AZIN1: variants seen among roughly 807,000 people sequenced by gnomAD.
AZIN1 encodes the protein antizyme inhibitor 1.
Under a neutral mutation model 47.4 loss-of-function variants are expected in AZIN1, and 12 were observed. The observed-to-expected ratio is 0.25, with a 90% confidence interval of 0.16 to 0.41. The LOEUF is 0.41. Ranked by LOEUF, AZIN1 falls within the 10% of genes least tolerant of loss-of-function variation. The probability of loss-of-function intolerance (pLI) is 1.00; values close to 1 mark genes in which losing one functional copy is unlikely to be tolerated. For missense variants in AZIN1, 410 were observed against 532.4 expected (o/e 0.77, Z 2.26); for synonymous variants, 155 against 176.3 (o/e 0.88, Z 0.96).
At position 102,836,383 on chromosome 8, in the gene AZIN1, G is replaced by A; in HGVS notation, c.457C>T (p.Leu153=). 6.2e-7 allele frequency: 1 copy of A among 1,613,898 alleles called. No individual in the cohort carries two copies. The highest frequency in any genetic ancestry group is 1.1e-5 in the South Asian group (1 of 91,038). Reference sequence around the variant, plus strand: ...ATATTATCTTCTGTTGCAATATGTAGTAAGACCCTAAGAGAAGGGGAGATG... The same window carrying A: ...ATATTATCTTCTGTTGCAATATGTAATAAGACCCTAAGAGAAGGGGAGATG... ...ARNHPNAKVL[L]HIATEDNIGG... The change falls in exon 6 of 12, where the codon CTA becomes TTA. Residue 153 remains leucine (L), a synonymous_variant. Coordinates refer to ENST00000337198, the MANE Select transcript of AZIN1 (RefSeq NM_148174.4).
intron 9 of AZIN1, 192 bp from the exon 10 acceptor site, chr8:102,830,128 G>C (rs542141903): frequency 1.3e-5 from 6 of 474,062 alleles, no homozygotes; most frequent in Non-Finnish European, 1.9e-5. Flanking sequence ...GCTCATACCT[G>C]TAATCCTAGC....
chr8:102,845,139 C>G (rs1236675338), intron 2 of AZIN1, among the ~76,000 whole-genome samples: 1 of 152,036 alleles, frequency 6.6e-6, no homozygotes, highest in South Asian at 2.1e-4. Flanking sequence ...CCCACCACCC[C>G]CCTCCACCCT....
intron 3 of AZIN1, among the ~76,000 whole-genome samples, chr8:102,840,203 T>C (rs1313251162): frequency 6.6e-6 from 1 of 152,226 alleles, no homozygotes; most frequent in Non-Finnish European, 1.5e-5. Flanking sequence ...TTAAAATACT[T>C]TGGCAGTTCA....
chr8:102,862,533 G>A (rs982407225), intron 1 of AZIN1, among the ~76,000 whole-genome samples: 3 of 152,062 alleles, frequency 2.0e-5, no homozygotes, highest in Admixed American at 2.0e-4. Context: ...GCACGCTCTC[G>A]TATATGTAAA....
chr8:102,843,538 A>G lies in AZIN1; in HGVS notation c.102+13T>C, dbSNP rs200856682. 44 of 1,605,052 alleles carry G rather than the reference A, an allele frequency of 2.7e-5. No individual in the cohort carries two copies. In the East Asian group the frequency reaches 9.1e-4, roughly 33 times the overall value. ...GAAAATGACAAACACTGTATTTGAGAAATGGCACTTACCAGGGTATGTTCA... is the reference window on the plus strand; with the variant it reads ...GAAAATGACAAACACTGTATTTGAGGAATGGCACTTACCAGGGTATGTTCA... On this transcript the variant is annotated intron_variant, in intron 3 of 11. Transcript: ENST00000337198.
At position 102,834,577 on chromosome 8, in the gene AZIN1, G is replaced by A. The variant is rs1811695583; in HGVS notation, c.666+89C>T. The A allele has an allele frequency of 4.1e-6, 4 of 971,986 alleles. No individual in the cohort carries two copies. In the South Asian group the frequency reaches 4.6e-5, roughly 11 times the overall value. The allele number at this position is 971,986 out of a possible 1,614,324, so 60.2% of individuals were successfully genotyped here. Reference sequence around the variant, plus strand: ...GTGTGTCACGTTGAATGTAGTCAGAGTAATTCACACAGGCAGAAAATACTT... The same window carrying A: ...GTGTGTCACGTTGAATGTAGTCAGAATAATTCACACAGGCAGAAAATACTT... On this transcript the variant is annotated intron_variant, in intron 7 of 11. Transcript: ENST00000337198.
intron 2 of AZIN1, among the ~76,000 whole-genome samples, chr8:102,845,159 C>T (rs1812493223): frequency 6.6e-6 from 1 of 151,878 alleles, no homozygotes; most frequent in Admixed American, 6.6e-5. Context: ...TCCCTAATGC[C>T]CCAAACTAGA....
chr8:102,843,893 ACGCCCATTT>A, intron 2 of AZIN1, 146 bp from the exon 3 acceptor site: 1 of 595,650 alleles, frequency 1.7e-6, no homozygotes. Flanking sequence ...ATTTCCTTTA[ACGCCCATTT>A]AAAAAAGCAA....
chr8:102,840,945 T>A (rs1301058370), intron 3 of AZIN1, among the ~76,000 whole-genome samples: 1 of 151,572 alleles, frequency 6.6e-6, no homozygotes, highest in Non-Finnish European at 1.5e-5. Flanking sequence ...ACAAAGTTTA[T>A]ATTTAATTTG....
intron 1 of AZIN1, 118 bp from the exon 2 acceptor site, chr8:102,858,268 A>C (rs956919891): frequency 1.0e-5 from 4 of 393,382 alleles, no homozygotes; most frequent in Middle Eastern, 6.3e-4. Context: ...CATTAAAGTC[A>C]CATTACACAA....
intron 2 of AZIN1, among the ~76,000 whole-genome samples, chr8:102,844,021 G>T (rs1338661137): frequency 5.3e-5 from 8 of 152,182 alleles, no homozygotes; most frequent in Non-Finnish European, 7.3e-5. Flanking sequence ...TACTTACAGA[G>T]TTGCAGACCC....
intron 5 of AZIN1, 99 bp from the exon 6 acceptor site, chr8:102,836,489 G>A (rs1480557134): frequency 1.7e-5 from 22 of 1,332,120 alleles, no homozygotes; most frequent in East Asian, 4.7e-5. Context: ...TATGTTGCCA[G>A]TGCTCCCAAA....
intron 5 of AZIN1, among the ~76,000 whole-genome samples, chr8:102,836,835 TC>T (rs961464197): frequency 6.6e-6 from 1 of 152,242 alleles, no homozygotes; most frequent in Admixed American, 6.5e-5. Context: ...CTGCAAACAT[TC>T]TTCCTACTAA....
At chr8:102,833,528 C>T (rs1225924520) in intron 8 of AZIN1, among the ~76,000 whole-genome samples, 1 of 151,452 alleles carries the variant, frequency 6.6e-6, no homozygotes, top group Admixed American at 6.6e-5. Context: ...GTAAAATTTT[C>T]AAATCATAGT....
intron 1 of AZIN1, among the ~76,000 whole-genome samples, chr8:102,863,169 C>A (rs1048474879): frequency 1.3e-5 from 2 of 152,360 alleles, no homozygotes; most frequent in South Asian, 4.1e-4. Flanking sequence ...GGCTTCCCCG[C>A]CGCCAGGCCC....
In AZIN1 at chr8:102,833,753, ATTTTT is replaced by A. The variant is rs11355998; in HGVS notation, c.741+431_741+435del. 2.0e-4 allele frequency among the ~76,000 whole-genome samples: 26 copies of A among 130,586 alleles called. No homozygotes were observed. In the East Asian group the frequency reaches 4.1e-3, roughly 20 times the overall value. 85.7% of individuals were successfully genotyped at this position (130,586 alleles called of 152,430 possible). A position where few individuals can be genotyped will look rare whatever the true frequency, so the allele number is the denominator to read the frequency against. Reference sequence around the variant, plus strand: ...AGCCTGGGCAATATAGAAAGACTCAATTTTTTTTTTTTTTTTTTTTTAAGTCCCAG... The same window carrying A: ...AGCCTGGGCAATATAGAAAGACTCAATTTTTTTTTTTTTTTTAAGTCCCAG... On this transcript the variant is annotated intron_variant, in intron 8 of 11. Transcript: ENST00000337198.
In AZIN1 at chr8:102,834,252, G is replaced by A. The variant is rs774283137; in HGVS notation, c.678C>T (p.Gly226=). The A allele has an allele frequency of 1.3e-5, 21 of 1,611,082 alleles. No individual in the cohort carries two copies. Among genetic ancestry groups the A allele is most frequent in the South Asian group, 9.9e-5 (9 of 90,856 alleles). The change falls in exon 8 of 12, where the codon GGC becomes GGT. Residue 226 remains glycine, a synonymous_variant. Coordinates refer to ENST00000337198, the MANE Select transcript of AZIN1 (RefSeq NM_148174.4). ...CAATGTCTAACATGTTCATCGTAAA[G>A]CCAATTTCTCCCTAGAGATGGAAAA... ...RCVFDMAGEI[G]FTMNMLDIGG...
At chr8:102,859,436 T>C (rs1347954509) in intron 1 of AZIN1, among the ~76,000 whole-genome samples, 2 of 152,182 alleles carry the variant, frequency 1.3e-5, no homozygotes, top group South Asian at 2.1e-4. Flanking sequence ...CCAAGAGCAA[T>C]GATGTGAAAC....
intron 1 of AZIN1, among the ~76,000 whole-genome samples, chr8:102,862,585 G>A (rs1476447912): frequency 6.6e-6 from 1 of 152,158 alleles, no homozygotes; most frequent in Non-Finnish European, 1.5e-5. Context: ...ACAATCATGA[G>A]CCATGTTTCT....
Sources: gnomAD v4.1 joint callset for allele counts (sites outside exome capture counted in the v4.1 genomes callset) on GRCh38, gnomAD v4.1.1 for gene constraint, MANE v1.5 for transcripts, NCBI Gene and HGNC (gene_info 2026-07-23, HGNC 2026-07-21) for gene names.